The following PAPOLA variants were observed in gnomAD, a reference collection of about 807,000 sequenced individuals.
The protein encoded by PAPOLA is poly(A) polymerase alpha.
PAPOLA carries 15 observed loss-of-function variants against 100.6 expected under a neutral mutation model. The ratio of observed to expected loss-of-function variants is 0.15; its 90% confidence interval spans 0.10 to 0.23. The LOEUF (loss-of-function observed/expected upper bound fraction) is 0.23. Among genes scored for constraint, PAPOLA ranks in the 10% least tolerant of loss-of-function variants. PAPOLA has a pLI of 1.00. For synonymous variants in PAPOLA, 293 were observed against 300.0 expected, an observed-to-expected ratio of 0.98 and a Z score of 0.24; for missense variants, 533 against 884.2, an observed-to-expected ratio of 0.60 and a Z score of 5.04.
intron 21 of PAPOLA, 54 bp downstream of exon 21, chr14:96,562,947 G>C: frequency 9.9e-7 from 1 of 1,013,454 alleles, no homozygotes. Context: ...AGATTAGTGT[G>C]GTATATTGAA....
At chr14:96,553,496 A>G (rs534838629) in intron 17 of PAPOLA, 1 of 150,196 alleles carries the variant, frequency 6.7e-6, no homozygotes, top group East Asian at 2.0e-4. Context: ...GGGCAACCAG[A>G]GTGAGACCCT....
intron 21 of PAPOLA, among the ~76,000 whole-genome samples, chr14:96,564,268 G>A (rs980801916): frequency 3.9e-5 from 6 of 151,996 alleles, no homozygotes; most frequent in Admixed American, 1.3e-4. Context: ...GAAAGTGGGA[G>A]GACAGTGGCT....
chr14:96,502,895 C>A (rs904415562), intron 1 of PAPOLA: 1 of 393,712 alleles, frequency 2.5e-6, no homozygotes, highest in Non-Finnish European at 4.5e-6. Context: ...GCCACTCCAG[C>A]TTCTCCGCCC....
At chr14:96,546,983 G>A (rs573581016) in intron 15 of PAPOLA, among the ~76,000 whole-genome samples, 21 of 152,264 alleles carry the variant, frequency 1.4e-4, no homozygotes, top group African/African-American at 5.1e-4. Flanking sequence ...TCAGTCAGAT[G>A]TCAACTCAGT....
chr14:96,543,635 G>A (rs1186905834), intron 14 of PAPOLA, among the ~76,000 whole-genome samples: 1 of 151,704 alleles, frequency 6.6e-6, no homozygotes, highest in African/African-American at 2.4e-5. Context: ...TAACAAGACC[G>A]TTTGATGTTC....
rs1900930772 is a variant in PAPOLA, at chr14:96,552,578, T to A, written c.1620T>A (p.Ser540Arg). The A allele has an allele frequency of 6.2e-7, 1 of 1,614,130 alleles. No individual in the cohort carries two copies. Among genetic ancestry groups the A allele is most frequent in the Non-Finnish European group, 8.5e-7 (1 of 1,179,966 alleles). ...GCATGTCTGTGCCTTCACCTACTAG[T>A]GCTACGAAGACCAGTCCATTGAACA... ...DNSMSVPSPTSATKTSPLNSS... is the reference protein window; with the variant it reads ...DNSMSVPSPTRATKTSPLNSS... Residue 540 changes from serine (S) to arginine (R), a missense_variant, in exon 17 of 22, where the codon AGT (serine) becomes AGA (arginine). Physicochemically the swap from Ser to Arg is moderately radical, Grantham distance 110. This residue lies in a region of PAPOLA where 242 missense variants were observed against 281.0 expected (regional missense o/e 0.86). Coordinates refer to ENST00000216277, the MANE Select transcript of PAPOLA (RefSeq NM_032632.5).
rs755667131 is a variant in PAPOLA, at chr14:96,556,190, G to A, written c.1781G>A (p.Ser594Asn). The change falls in exon 19 of 22, where the codon AGC becomes AAC. Residue 594 changes from serine (S) to asparagine (N), a missense_variant. Physicochemically the swap from Ser to Asn is conservative, Grantham distance 46. Coordinates refer to ENST00000216277, the MANE Select transcript of PAPOLA (RefSeq NM_032632.5). ...TGCTGCTTAGGTACATCGAGTGAAA[G>A]CATTCCTCAAACTGCCACACAACCA... ...SESSGGTSSE[S>N]IPQTATQPAI... 3.1e-6 allele frequency: 5 copies of A among 1,613,810 alleles called. No individual in the cohort carries two copies. Among genetic ancestry groups the A allele is most frequent in the Non-Finnish European group, 4.2e-6 (5 of 1,179,844 alleles).
chr14:96,515,070 A>G (rs1045941044), intron 1 of PAPOLA, among the ~76,000 whole-genome samples: 2 of 152,300 alleles, frequency 1.3e-5, no homozygotes, highest in Middle Eastern at 3.4e-3. Flanking sequence ...CCATGTGACA[A>G]AGGAGTGGAA....
At chr14:96,520,304 CTACT>C (rs1226284918) in intron 2 of PAPOLA, 76 bp downstream of exon 2, 4 of 1,104,588 alleles carry the variant, frequency 3.6e-6, no homozygotes, top group Non-Finnish European at 5.2e-6. Context: ...GAGGCATTCT[CTACT>C]TACTTAGAAG....
intron 17 of PAPOLA, among the ~76,000 whole-genome samples, chr14:96,554,502 A>G (rs928763531): frequency 2.6e-5 from 4 of 152,206 alleles, no homozygotes; most frequent in Admixed American, 1.3e-4. Context: ...TGTGGATGTC[A>G]TGTAAGTACC....
intron 2 of PAPOLA, 179 bp from the exon 3 acceptor site, chr14:96,520,827 A>ATG: frequency 1.9e-6 from 1 of 529,086 alleles, no homozygotes. Context: ...GTATATATAT[A>ATG]TAGAAAGAGA....
rs1463676791 is a variant in PAPOLA, at chr14:96,532,321, TA to T, written c.608-9del. Reference sequence around the variant, plus strand: ...GTGTGTGTGTGTTTTTTTTTACCCCTATTAATTAGGTTGCAGGGTAACCGAT... The same window carrying T: ...GTGTGTGTGTGTTTTTTTTTACCCCTTTAATTAGGTTGCAGGGTAACCGAT... On this transcript the variant is annotated splice_polypyrimidine_tract_variant and intron_variant, in intron 7 of 21. Coordinates refer to ENST00000216277, the MANE Select transcript of PAPOLA (RefSeq NM_032632.5). 2 of 1,599,798 alleles carry T rather than the reference TA, an allele frequency of 1.3e-6. No homozygotes were observed. The highest frequency in any genetic ancestry group is 1.7e-6 in the Non-Finnish European group (2 of 1,175,020).
In PAPOLA at chr14:96,535,978, A is replaced by G. The variant is rs772386920; in HGVS notation, c.1009A>G (p.Met337Val). The part of the protein sequence containing the change: ...YNVSVSTRMV[M>V]VEEFKQGLAI... ...TGTGTCCGTTTCAACACGGATGGTC[A>G]TGGTTGAGGAGTTTAAACAAGGTAA... The change falls in exon 11 of 22, where the codon ATG becomes GTG. Residue 337 changes from methionine (M) to valine (V), a missense_variant. By Grantham distance (21) the Met-to-Val change is conservative. This residue lies in a region of PAPOLA where 87 missense variants were observed against 173.3 expected (regional missense o/e 0.50). Coordinates refer to ENST00000216277, the MANE Select transcript of PAPOLA (RefSeq NM_032632.5). 13 of 1,603,596 alleles carry G rather than the reference A, an allele frequency of 8.1e-6. No individual in the cohort carries two copies. The highest frequency in any genetic ancestry group is 5.6e-5 in the South Asian group (5 of 88,934).
chr14:96,536,250 A>G (rs557259101), intron 11 of PAPOLA, among the ~76,000 whole-genome samples: 1 of 152,108 alleles, frequency 6.6e-6, no homozygotes, highest in Admixed American at 6.5e-5. Context: ...GTTGCATACT[A>G]TTGCCTTGTA....
intron 3 of PAPOLA, among the ~76,000 whole-genome samples, chr14:96,522,293 G>A (rs1213998356): frequency 1.3e-5 from 2 of 151,320 alleles, no homozygotes; most frequent in Non-Finnish European, 2.9e-5. Context: ...AGCTAATTTT[G>A]TATTTTAGTA....
chr14:96,517,580 CTG>C (rs1474041334), intron 1 of PAPOLA, among the ~76,000 whole-genome samples: 3 of 151,906 alleles, frequency 2.0e-5, no homozygotes, highest in African/African-American at 7.3e-5. Context: ...AAAAAAAAAC[CTG>C]TGTGTGATGA....
intron 1 of PAPOLA, among the ~76,000 whole-genome samples, chr14:96,512,645 CT>C (rs544077570): frequency 2.8e-4 from 42 of 152,204 alleles, no homozygotes; most frequent in Middle Eastern, 3.4e-3. Flanking sequence ...TATTCTGCAA[CT>C]TTTTTTTCTC....
chr14:96,536,802 A>T lies in PAPOLA; in HGVS notation c.1031-174A>T, dbSNP rs185407948. ...TTCTCAAAAAATCTTCCAGCTTTTT[A>T]AAAAAAAAATGTGTATATATATAAG... On this transcript the variant is annotated intron_variant, in intron 11 of 21. Coordinates refer to ENST00000216277, the MANE Select transcript of PAPOLA (RefSeq NM_032632.5). The T allele has an allele frequency of 8.9e-3, 2,850 of 319,668 alleles. 76 individuals carry two copies. The South Asian group carries it at 0.097, about 11-fold the overall frequency. The allele number at this position is 319,668 out of a possible 1,614,324, so 19.8% of individuals were successfully genotyped here. A position where few individuals can be genotyped will look rare whatever the true frequency, so the allele number is the denominator to read the frequency against.
intron 11 of PAPOLA, chr14:96,536,767 A>G: frequency 2.4e-6 from 1 of 409,882 alleles, no homozygotes. Flanking sequence ...GTACTTTACC[A>G]GAAACCTGGT....
Sources: gnomAD v4.1 joint callset for allele counts (sites outside exome capture counted in the v4.1 genomes callset) on GRCh38, gnomAD v4.1.1 for gene constraint, gnomAD v4.1.1 regional missense constraint, MANE v1.5 for transcripts, NCBI Gene and HGNC (gene_info 2026-07-23, HGNC 2026-07-21) for gene names.